LBR: variants seen among roughly 807,000 people sequenced by gnomAD.
LBR encodes delta(14)-sterol reductase LBR.
Under a neutral mutation model 74.3 loss-of-function variants are expected in LBR, and 28 were observed. That is an observed-to-expected ratio of 0.38 (90% CI 0.28 to 0.52). The LOEUF (loss-of-function observed/expected upper bound fraction) is 0.52, where lower values mean the gene tolerates loss of function less well. Among genes scored for constraint, LBR ranks in the 20% least tolerant of loss-of-function variants. LBR has a pLI of 0.89. For missense variants in LBR, 717 were observed against 760.3 expected (o/e 0.94, Z 0.67); for synonymous variants, 228 against 269.3 (o/e 0.85, Z 1.50).
intron 1 of LBR, among the ~76,000 whole-genome samples, chr1:225,427,094 G>A (rs779415985): frequency 2.6e-5 from 4 of 151,916 alleles, no homozygotes; most frequent in Non-Finnish European, 5.9e-5. Context: ...CGCTGCAGGT[G>A]TCCACGCGCG....
In LBR at chr1:225,404,984, T is replaced by C. The variant is rs951437402; in HGVS notation, c.1484-278A>G. Among the ~76,000 whole-genome samples the C allele has an allele frequency of 3.3e-5, 5 of 152,200 alleles. 1 individual carries two copies. Among genetic ancestry groups the C allele is most frequent in the Non-Finnish European group, 7.3e-5 (5 of 68,032 alleles). ...TCCGAAATCTATCACACTACTTTAA[T>C]CATCCACCTAGGAAACGCTCTGAAG... On this transcript the variant is annotated intron_variant, in intron 11 of 13. Transcript: ENST00000272163.
intron 6 of LBR, chr1:225,417,627 G>C (rs2096119908): frequency 5.0e-6 from 1 of 200,342 alleles, no homozygotes; most frequent in Non-Finnish European, 1.0e-5. Context: ...TTTTTCCATA[G>C]CAACCTCCAC....
At chr1:225,415,413 C>G in intron 6 of LBR, 81 bp from the exon 7 acceptor site, 1 of 711,410 alleles carries the variant, frequency 1.4e-6, no homozygotes, top group Admixed American at 2.8e-5. Flanking sequence ...TATATATATT[C>G]TAGTATCACT....
rs774890342 is a variant in LBR at position 225,415,261 on chromosome 1, T to TA, written c.892+16dup. Reference sequence around the variant, plus strand: ...GCTATCAAATCATCAATTTGAGTCTTAAAAAAAGAAAATCACCATTTAATC... The same window carrying TA: ...GCTATCAAATCATCAATTTGAGTCTTAAAAAAAAGAAAATCACCATTTAATC... On this transcript the variant is annotated intron_variant, in intron 7 of 13. Transcript: ENST00000272163. 7.8e-6 allele frequency: 12 copies of TA among 1,535,662 alleles called. No individual in the cohort carries two copies. The Admixed American group carries it at 8.6e-5, about 11-fold the overall frequency.
rs760431821 is a variant in LBR at position 225,404,397 on chromosome 1, T to C, written c.1687+7A>G. 1.4e-5 allele frequency: 23 copies of C among 1,613,918 alleles called. No homozygotes were observed. The highest frequency in any genetic ancestry group is 1.8e-5 in the Non-Finnish European group (21 of 1,180,010). On this transcript the variant is annotated splice_region_variant and intron_variant, in intron 13 of 13. Coordinates refer to ENST00000272163, the MANE Select transcript of LBR (RefSeq NM_002296.4). ...GGGTCAAACTAGCACTCTTCTGAAA[T>C]GCTTACCACATGGGAGGGACCACGC... is the stretch of plus-strand genomic sequence containing the variant.
rs1474045406 is a variant in LBR, at chr1:225,401,756, A to T, written c.*1547T>A. The T allele has an allele frequency of 6.6e-6, 1 of 152,218 alleles. No homozygotes were observed. Among genetic ancestry groups the T allele is most frequent in the Non-Finnish European group, 1.5e-5 (1 of 68,038 alleles). The allele number at this position is 152,218 out of a possible 1,614,324, so 9.4% of individuals were successfully genotyped here. A position where few individuals can be genotyped will look rare whatever the true frequency, so the allele number is the denominator to read the frequency against. ...GATGCCAGGAGAAAAGCAAAATAAA[A>T]AAACTGCTTGCACACATTAGCACTG... On this transcript the variant is annotated 3_prime_UTR_variant, in exon 14 of 14. Transcript: ENST00000272163.
intron 8 of LBR, 55 bp from the exon 9 acceptor site, chr1:225,411,495 T>A: frequency 3.8e-6 from 5 of 1,308,322 alleles, no homozygotes; most frequent in Non-Finnish European, 5.5e-6. Flanking sequence ...TCAGGAGGCT[T>A]TACAACGGCA....
At chr1:225,419,921 G>A (rs565291950) in intron 3 of LBR, 123 bp from the exon 4 acceptor site, 1 of 737,978 alleles carries the variant, frequency 1.4e-6, no homozygotes, top group African/African-American at 1.8e-5. Context: ...CCTTAATTCT[G>A]ACGAATTTAA....
intron 10 of LBR, 25 bp downstream of exon 10, chr1:225,410,266 G>C (rs1275949812): frequency 1.2e-6 from 2 of 1,613,302 alleles, no homozygotes; most frequent in East Asian, 2.2e-5. Flanking sequence ...CTGACTCCAA[G>C]GCCTCGGCTC....
At chr1:225,418,471 T>C (rs560632626) in intron 5 of LBR, among the ~76,000 whole-genome samples, 1 of 151,664 alleles carries the variant, frequency 6.6e-6, no homozygotes, top group African/African-American at 2.4e-5. Context: ...ACATTTGACC[T>C]CCAACCACTA....
At chr1:225,414,749 T>A (rs1036439920) in intron 7 of LBR, among the ~76,000 whole-genome samples, 10 of 152,186 alleles carry the variant, frequency 6.6e-5, no homozygotes, top group African/African-American at 2.4e-4. Context: ...TACACTGATG[T>A]GTGGAGGCAC....
At chr1:225,422,054 T>G (rs774745718) in intron 3 of LBR, 23 bp downstream of exon 3, 6 of 1,606,480 alleles carry the variant, frequency 3.7e-6, no homozygotes, top group Non-Finnish European at 5.1e-6. Context: ...GACAAAAGGC[T>G]GTATAAGGAT....
chr1:225,403,385 T>C lies in LBR; in HGVS notation c.1766A>G (p.Tyr589Cys). 1 of 1,613,506 alleles carries C rather than the reference T, an allele frequency of 6.2e-7. No homozygotes were observed. Among genetic ancestry groups the C allele is most frequent in the Non-Finnish European group, 8.5e-7 (1 of 1,179,640 alleles). Residue 589 changes from tyrosine to cysteine, a missense_variant, in exon 14 of 14, where the codon TAC (tyrosine) becomes TGC (cysteine). Coordinates refer to ENST00000272163, the MANE Select transcript of LBR (RefSeq NM_002296.4). ...LLVHREARDE[Y>C]HCKKKYGVAW... ...CACGCCGTATTTCTTCTTACAGTGG[T>C]ACTCGTCACGAGCTTCTCGGTGGAC...
In LBR at chr1:225,403,123, T is replaced by A; in HGVS notation, c.*180A>T. On this transcript the variant is annotated 3_prime_UTR_variant, in exon 14 of 14. Transcript: ENST00000272163. ...TTTTCCTATGTTAACTGTAAGTTAA[T>A]ACAAGTAAACACGGCTATATTAAAA... is the stretch of plus-strand genomic sequence containing the variant. 1.7e-6 allele frequency: 1 copy of A among 604,586 alleles called. No individual in the cohort carries two copies. Among genetic ancestry groups the A allele is most frequent in the Non-Finnish European group, 2.9e-6 (1 of 343,176 alleles). 37.5% of individuals were successfully genotyped at this position (604,586 alleles called of 1,614,324 possible).
Position 225,406,687 on chromosome 1 carries a change from G to A in LBR, c.1460C>T (p.Ala487Val). ...SHPNEVSWPM[A>V]SLIIVLKLCG... ...ACGTTTCAGAACAATAATTAGAGAA[G>A]CCATTGGCCAAGACACTTCATTTGG... The change falls in exon 11 of 14, where the codon GCT (alanine) becomes GTT (valine). Residue 487 changes from alanine to valine, a missense_variant. Transcript: ENST00000272163. The A allele has an allele frequency of 5.0e-6, 8 of 1,611,882 alleles. No homozygotes were observed. The highest frequency in any genetic ancestry group is 6.8e-6 in the Non-Finnish European group (8 of 1,179,394).
chr1:225,427,523 C>T (rs1315638998), intron 1 of LBR: 1 of 152,200 alleles, frequency 6.6e-6, no homozygotes, highest in East Asian at 1.9e-4. Context: ...CAGCCTCCTA[C>T]TGCAGGACCG....
chr1:225,428,554 A>G (rs947725155), upstream of LBR, among the ~76,000 whole-genome samples: 1 of 152,202 alleles, frequency 6.6e-6, no homozygotes, highest in African/African-American at 2.4e-5. Context: ...AAAATCCCAC[A>G]GAAGCCCCTG....
chr1:225,421,824 C>T (rs896686540), intron 3 of LBR, among the ~76,000 whole-genome samples: 6 of 152,206 alleles, frequency 3.9e-5, no homozygotes, highest in Non-Finnish European at 8.8e-5. Flanking sequence ...CAAGCTACAT[C>T]TATTTCAAAT....
At chr1:225,410,143 C>A (rs1374049589) in intron 10 of LBR, 148 bp downstream of exon 10, 2 of 1,178,800 alleles carry the variant, frequency 1.7e-6, no homozygotes, top group African/African-American at 3.0e-5. Flanking sequence ...TCGTCAGCTT[C>A]ACATGGATGG....
Sources: gnomAD v4.1 joint callset for allele counts (sites outside exome capture counted in the v4.1 genomes callset) on GRCh38, gnomAD v4.1.1 for gene constraint, MANE v1.5 for transcripts, NCBI Gene and HGNC (gene_info 2026-07-23, HGNC 2026-07-21) for gene names.